Variants in SERPINB8 observed in about 807,000 individuals in gnomAD.
SERPINB8 encodes serpin family B member 8, also known as serpin B8.
In SERPINB8, 25 loss-of-function variants were observed where a neutral mutation model predicts 35.3. The ratio of observed to expected loss-of-function variants is 0.71; its 90% CI spans 0.52 to 0.99. The LOEUF is 0.99. Ranked by LOEUF, SERPINB8 falls within the 50% of genes least tolerant of loss-of-function variation. The pLI is 0.00. For synonymous variants in SERPINB8, 186 were observed against 160.8 expected, an observed-to-expected ratio of 1.16 and a Z score of -1.19; for missense variants, 484 against 446.5, an observed-to-expected ratio of 1.08 and a Z score of -0.76.
intron 1 of SERPINB8, among the ~76,000 whole-genome samples, chr18:63,978,074 T>C (rs985054588): frequency 3.3e-5 from 5 of 152,158 alleles, no homozygotes; most frequent in Non-Finnish European, 5.9e-5. Flanking sequence ...CTGGGATAAC[T>C]CAGGATAATC....
At chr18:63,989,831 T>G (rs550411433), downstream of SERPINB8, among the ~76,000 whole-genome samples, 149 of 148,514 alleles carry the variant, frequency 1.0e-3, no homozygotes, top group Middle Eastern at 3.4e-3. Flanking sequence ...TAGTCCCAGC[T>G]ACTCGGGAGG....
At chr18:63,984,466 T>G (rs2050720114) in intron 5 of SERPINB8, among the ~76,000 whole-genome samples, 3 of 152,226 alleles carry the variant, frequency 2.0e-5, no homozygotes, top group Non-Finnish European at 2.9e-5. Flanking sequence ...AAAGCCTAAC[T>G]TTACCTTCCC....
At chr18:63,996,550 CATAG>C (rs2050850455) in intron 1 of SERPINB8, among the ~76,000 whole-genome samples, 1 of 152,142 alleles carries the variant, frequency 6.6e-6, no homozygotes, top group Non-Finnish European at 1.5e-5. Context: ...AAATTCCCCA[CATAG>C]CTGCCATCAA....
downstream of SERPINB8, among the ~76,000 whole-genome samples, chr18:63,990,310 A>G (rs1448592557): frequency 6.6e-6 from 1 of 151,982 alleles, no homozygotes; most frequent in Non-Finnish European, 1.5e-5. Context: ...TCCTGACCTC[A>G]GGTCATCTGC....
At chr18:64,006,282 T>TG (rs2050899625), downstream of SERPINB8, among the ~76,000 whole-genome samples, 8 of 152,304 alleles carry the variant, frequency 5.3e-5, no homozygotes, top group South Asian at 1.7e-3. Flanking sequence ...GTATATTCTG[T>TG]GGCCAAGTGT....
intron 6 of SERPINB8, among the ~76,000 whole-genome samples, chr18:63,986,010 G>T (rs1422825666): frequency 6.6e-6 from 1 of 152,222 alleles, no homozygotes; most frequent in Non-Finnish European, 1.5e-5. Context: ...CCAATGCACA[G>T]GATGTTGAGG....
At chr18:64,014,896 T>C (rs2050942495) in intron 7 of SERPINB8, among the ~76,000 whole-genome samples, 1 of 152,178 alleles carries the variant, frequency 6.6e-6, no homozygotes, top group Admixed American at 6.5e-5. Flanking sequence ...GCAATCTGAA[T>C]ATCTCGCCTC....
At chr18:63,996,955 A>T (rs1313926051) in intron 1 of SERPINB8, among the ~76,000 whole-genome samples, 1 of 152,206 alleles carries the variant, frequency 6.6e-6, no homozygotes, top group African/African-American at 2.4e-5. Context: ...CTATGTTTCA[A>T]TGGGGCCCAT....
chr18:63,979,457 G>T (rs1225594406), intron 2 of SERPINB8, among the ~76,000 whole-genome samples: 1 of 152,162 alleles, frequency 6.6e-6, no homozygotes, highest in Non-Finnish European at 1.5e-5. Context: ...CTCACCTGGT[G>T]GGTGGGAGGT....
intron 1 of SERPINB8, among the ~76,000 whole-genome samples, chr18:63,995,674 A>G (rs551231928): frequency 6.6e-6 from 1 of 152,334 alleles, no homozygotes; most frequent in East Asian, 1.9e-4. Context: ...ACTGTCGCCT[A>G]GGCCATTGTA....
rs771613505 is a variant in SERPINB8, at chr18:63,985,230, C to T, written c.705C>T (p.Asn235=). The T allele has an allele frequency of 6.2e-7, 1 of 1,614,168 alleles. No homozygotes were observed. The highest frequency in any genetic ancestry group is 8.5e-7 in the Non-Finnish European group (1 of 1,180,026). Residue 235 remains asparagine, a synonymous_variant, in exon 6 of 7, where the codon AAC becomes AAT. Coordinates refer to ENST00000397985, the MANE Select transcript of SERPINB8 (RefSeq NM_002640.4). ...TGGTCATTCTGCTTCCCGATGACAA[C>T]ACGGACCTCGCCGTGGTAAGCTCCA... is the stretch of plus-strand genomic sequence containing the variant. ...LSMVILLPDD[N]TDLAVVEKAL...
In SERPINB8 at chr18:63,988,247, T is replaced by C. The variant is rs1264918426; in HGVS notation, c.*969T>C. 6.6e-6 allele frequency: 1 copy of C among 152,212 alleles called. No homozygotes were observed. Among genetic ancestry groups the C allele is most frequent in the Admixed American group, 6.5e-5 (1 of 15,290 alleles). 9.4% of individuals were successfully genotyped at this position (152,212 alleles called of 1,614,324 possible). A position where few individuals can be genotyped will look rare whatever the true frequency, so the allele number is the denominator to read the frequency against. On this transcript the variant is annotated 3_prime_UTR_variant, in exon 7 of 7. Coordinates refer to ENST00000397985, the MANE Select transcript of SERPINB8 (RefSeq NM_002640.4). ...TAAGCATTTTACTACAAGTTAATCATATCCTTCAGTAGCTTATTTCTTCCC... is the reference window on the plus strand; with the variant it reads ...TAAGCATTTTACTACAAGTTAATCACATCCTTCAGTAGCTTATTTCTTCCC...
chr18:63,993,101 G>A (rs2050832718), downstream of SERPINB8, among the ~76,000 whole-genome samples: 1 of 152,146 alleles, frequency 6.6e-6, no homozygotes. Flanking sequence ...TGATCCCTTT[G>A]CTGGCTCTCT....
downstream of SERPINB8, among the ~76,000 whole-genome samples, chr18:64,010,256 T>A (rs80338357): frequency 6.6e-6 from 1 of 152,174 alleles, no homozygotes; most frequent in Non-Finnish European, 1.5e-5. Flanking sequence ...TTTAAAAGTC[T>A]GTTGATACCA....
chr18:63,979,915 GA>G lies in SERPINB8; in HGVS notation c.287del (p.Lys96ArgfsTer37). The G allele has an allele frequency of 1.2e-6, 2 of 1,614,108 alleles. No individual in the cohort carries two copies. ...TAGAACTGCCAACAGACTCTTTGGA[GA>G]AAAGACGTGTGATTTCCTTCCAGTA... is the stretch of plus-strand genomic sequence containing the variant. ...LLRTANRLFG[E>X]KTCDFLPDFK... is the part of the protein sequence containing the mutation. On this transcript the variant is annotated frameshift_variant, in exon 3 of 7. Coordinates refer to ENST00000397985, the MANE Select transcript of SERPINB8 (RefSeq NM_002640.4). LOFTEE classifies it high-confidence loss of function.
chr18:63,996,058 G>A (rs2050847583), intron 1 of SERPINB8, among the ~76,000 whole-genome samples: 1 of 152,028 alleles, frequency 6.6e-6, no homozygotes, highest in Non-Finnish European at 1.5e-5. Context: ...GACCTGGTGG[G>A]TTTTAGCTGC....
At chr18:63,996,230 A>G (rs1156329677) in intron 1 of SERPINB8, among the ~76,000 whole-genome samples, 2 of 152,226 alleles carry the variant, frequency 1.3e-5, no homozygotes, top group Admixed American at 6.5e-5. Context: ...TTCAATTGCT[A>G]AGCTTGAGGC....
In SERPINB8 at chr18:63,970,126, C is replaced by A; in HGVS notation, c.-55C>A. 1 of 356,286 alleles carries A rather than the reference C, an allele frequency of 2.8e-6. No homozygotes were observed. 22.1% of individuals were successfully genotyped at this position (356,286 alleles called of 1,614,324 possible). A position where few individuals can be genotyped will look rare whatever the true frequency, so the allele number is the denominator to read the frequency against. On this transcript the variant is annotated 5_prime_UTR_variant, in exon 1 of 7. Transcript: ENST00000397985. Reference sequence around the variant, plus strand: ...ATCTACAAAGGAGGAATAGTCAAAGCAGCAGCGGCGGCGGCGGCGGCGGCA... The same window carrying A: ...ATCTACAAAGGAGGAATAGTCAAAGAAGCAGCGGCGGCGGCGGCGGCGGCA...
chr18:63,996,044 T>C (rs2050847525), intron 1 of SERPINB8, among the ~76,000 whole-genome samples: 2 of 152,156 alleles, frequency 1.3e-5, no homozygotes, highest in African/African-American at 4.8e-5. Flanking sequence ...TGTCCAGATG[T>C]GTAGACCTGG....
Sources: gnomAD v4.1 joint callset for allele counts (sites outside exome capture counted in the v4.1 genomes callset) on GRCh38, gnomAD v4.1.1 for gene constraint, MANE v1.5 for transcripts, NCBI Gene and HGNC (gene_info 2026-07-23, HGNC 2026-07-21) for gene names.